RANBP2: variants seen among roughly 807,000 people sequenced by gnomAD.
The protein encoded by RANBP2 is RAN binding protein 2.
In RANBP2, 57 loss-of-function variants were observed where a neutral mutation model predicts 303.6. The observed-to-expected ratio is 0.19, with a 90% CI of 0.15 to 0.23. The LOEUF is 0.23. Ranked by LOEUF, RANBP2 falls within the 10% of genes least tolerant of loss-of-function variation. RANBP2 has a pLI of 1.00. For synonymous variants in RANBP2, 1,167 were observed against 1,301.5 expected, an observed-to-expected ratio of 0.90 and a Z score of 2.23; for missense variants, 3,138 against 3,780.8, an observed-to-expected ratio of 0.83 and a Z score of 4.46.
the RANBP2 span, among the ~76,000 whole-genome samples, chr2:108,998,339 A>G: frequency 2.6e-5 from 4 of 151,990 alleles, no homozygotes; most frequent in African/African-American, 9.7e-5. Flanking sequence ...TCCCAGGCTC[A>G]TTGTTTCATC....
At chr2:109,148,129 C>G in the RANBP2 span, among the ~76,000 whole-genome samples, 2 of 152,194 alleles carry the variant, frequency 1.3e-5, no homozygotes, top group Non-Finnish European at 2.9e-5. Context: ...TTTGTGTGGC[C>G]TTTTGGTCTC....
chr2:108,747,227 A>G (rs752120740), intron 8 of RANBP2, among the ~76,000 whole-genome samples: 11 of 152,230 alleles, frequency 7.2e-5, no homozygotes, highest in Non-Finnish European at 1.6e-4. Context: ...TACTTACCTT[A>G]TATTAGGCTC....
the RANBP2 span, among the ~76,000 whole-genome samples, chr2:109,264,529 A>G: frequency 8.5e-5 from 13 of 152,282 alleles, no homozygotes; most frequent in African/African-American, 2.9e-4. Context: ...GGCAAAGTGA[A>G]TCAAGTCTCA....
At chr2:109,105,750 T>C in the RANBP2 span, among the ~76,000 whole-genome samples, 1 of 151,222 alleles carries the variant, frequency 6.6e-6, no homozygotes, top group Non-Finnish European at 1.5e-5. Flanking sequence ...AGAGTCGGGG[T>C]GTCATCATGT....
the RANBP2 span, chr2:108,856,987 T>C: frequency 6.8e-7 from 1 of 1,461,060 alleles, no homozygotes; most frequent in Non-Finnish European, 9.4e-7. Flanking sequence ...TTTTAAGTTC[T>C]ATATGTGTAA....
At chr2:108,945,819 TATC>T in the RANBP2 span, among the ~76,000 whole-genome samples, 1 of 152,152 alleles carries the variant, frequency 6.6e-6, no homozygotes. Flanking sequence ...AAAGGACAAA[TATC>T]ATGTGATCCC....
the RANBP2 span, among the ~76,000 whole-genome samples, chr2:109,249,966 G>A: frequency 6.6e-6 from 1 of 150,768 alleles, no homozygotes; most frequent in Non-Finnish European, 1.5e-5. Context: ...TTACAGGCGT[G>A]AGCCACCGCG....
At chr2:108,910,048 C>T in the RANBP2 span, among the ~76,000 whole-genome samples, 43 of 152,344 alleles carry the variant, frequency 2.8e-4, no homozygotes, top group African/African-American at 8.7e-4. Flanking sequence ...TGCTGTTAGC[C>T]GTCATCACCA....
the RANBP2 span, among the ~76,000 whole-genome samples, chr2:109,742,732 T>C: frequency 6.8e-6 from 1 of 146,714 alleles, no homozygotes; most frequent in Non-Finnish European, 1.5e-5. Flanking sequence ...TAAAGGAGAA[T>C]GAAGTCAGAG....
the RANBP2 span, among the ~76,000 whole-genome samples, chr2:108,822,908 G>T: frequency 6.6e-6 from 1 of 152,122 alleles, no homozygotes; most frequent in Admixed American, 6.5e-5. Flanking sequence ...CAAACCGCTA[G>T]CTAGATGAAG....
chr2:108,788,000 A>G (rs1450662229), downstream of RANBP2: 7 of 1,453,296 alleles, frequency 4.8e-6, no homozygotes, highest in South Asian at 2.5e-5. Context: ...GATTTTTAGT[A>G]TACAAATTAA....
the RANBP2 span, among the ~76,000 whole-genome samples, chr2:109,403,485 G>A: frequency 1.2e-4 from 19 of 152,344 alleles, no homozygotes; most frequent in African/African-American, 4.3e-4. Flanking sequence ...GCCCTCCCTG[G>A]CCTTCCAGGG....
the RANBP2 span, among the ~76,000 whole-genome samples, chr2:109,243,374 T>A: frequency 6.6e-6 from 1 of 152,236 alleles, no homozygotes; most frequent in Non-Finnish European, 1.5e-5. Flanking sequence ...TTACCAGATA[T>A]TCCCGGGGCA....
the RANBP2 span, among the ~76,000 whole-genome samples, chr2:109,566,523 T>C: frequency 6.6e-6 from 1 of 152,142 alleles, no homozygotes. Flanking sequence ...AAAATGTATA[T>C]GTAACTATAC....
At chr2:109,442,653 A>T in the RANBP2 span, among the ~76,000 whole-genome samples, 1 of 152,324 alleles carries the variant, frequency 6.6e-6, no homozygotes, top group South Asian at 2.1e-4. Flanking sequence ...TATGTTATGA[A>T]ATCATTTGTA....
chr2:109,096,713 G>A, the RANBP2 span, among the ~76,000 whole-genome samples: 1 of 151,736 alleles, frequency 6.6e-6, no homozygotes, highest in South Asian at 2.1e-4. Context: ...TATTTTTTTT[G>A]CTTTTTTTGC....
rs540487011 is a variant in RANBP2 at position 108,783,314 on chromosome 2, G to A, written c.9370-282G>A. On this transcript the variant is annotated intron_variant, in intron 28 of 28. Coordinates refer to ENST00000283195, the MANE Select transcript of RANBP2 (RefSeq NM_006267.5). ...CCACTGCACTCCATCCTGGGCGACA[G>A]AGTGAGACAGCCTGTCATTAAAAAA... Among the ~76,000 whole-genome samples, 7 of 114,868 alleles carry A rather than the reference G, an allele frequency of 6.1e-5. No individual in the cohort carries two copies. In the South Asian group the frequency reaches 1.6e-3, roughly 26 times the overall value. 75.4% of individuals were successfully genotyped at this position (114,868 alleles called of 152,430 possible).
At chr2:109,129,963 A>T in the RANBP2 span, 1 of 1,419,220 alleles carries the variant, frequency 7.0e-7, no homozygotes, top group Non-Finnish European at 9.1e-7. Flanking sequence ...GTCCCATCCC[A>T]GGCCAGAGTG....
chr2:108,912,701 G>A, the RANBP2 span: 29 of 1,599,840 alleles, frequency 1.8e-5, no homozygotes, highest in Admixed American at 4.6e-4. Context: ...CTGGAAGGGA[G>A]ACAGGGTGCT....
Sources: gnomAD v4.1 joint callset for allele counts (sites outside exome capture counted in the v4.1 genomes callset) on GRCh38, gnomAD v4.1.1 for gene constraint, MANE v1.5 for transcripts, NCBI Gene and HGNC (gene_info 2026-07-23, HGNC 2026-07-21) for gene names.